The following PPM1E variants were observed in gnomAD, a reference collection of about 807,000 sequenced individuals.
PPM1E encodes protein phosphatase, Mg2+/Mn2+ dependent 1E, also known as protein phosphatase 1E.
PPM1E carries 20 observed loss-of-function variants against 65.9 expected under a neutral mutation model. The observed-to-expected ratio is 0.30, with a 90% CI of 0.21 to 0.44. PPM1E has a LOEUF of 0.44. Ranked by LOEUF, PPM1E falls within the 20% of genes least tolerant of loss-of-function variation. The probability of loss-of-function intolerance (pLI) is 1.00; values close to 1 mark genes in which losing one functional copy is unlikely to be tolerated. For synonymous variants in PPM1E, 352 were observed against 374.9 expected (o/e 0.94, Z 0.70); for missense variants, 713 against 953.1 (o/e 0.75, Z 3.32).
intron 1 of PPM1E, among the ~76,000 whole-genome samples, chr17:58,864,787 T>C (rs2050981461): frequency 6.6e-6 from 1 of 151,678 alleles, no homozygotes; most frequent in African/African-American, 2.4e-5. Context: ...AATACAAAAA[T>C]TAGCCGGGTG....
intron 1 of PPM1E, among the ~76,000 whole-genome samples, chr17:58,792,280 GATATTATATAGTA>G (rs1342159706): frequency 1.4e-5 from 2 of 147,908 alleles, no homozygotes; most frequent in South Asian, 2.1e-4. Flanking sequence ...ATTACTATAT[GATATTATATAGTA>G]ATATTATATA....
At chr17:58,934,408 A>G (rs2051948502) in intron 1 of PPM1E, among the ~76,000 whole-genome samples, 1 of 152,202 alleles carries the variant, frequency 6.6e-6, no homozygotes, top group Non-Finnish European at 1.5e-5. Flanking sequence ...TACATGGTAC[A>G]CTGTTTTGTA....
chr17:58,756,807 C>G (rs2049772326), intron 1 of PPM1E, among the ~76,000 whole-genome samples: 1 of 152,216 alleles, frequency 6.6e-6, no homozygotes, highest in Non-Finnish European at 1.5e-5. Context: ...CCTTTCCTGC[C>G]TGGAAAGGTC....
chr17:58,865,293 A>G (rs2050988827), intron 1 of PPM1E, among the ~76,000 whole-genome samples: 1 of 152,158 alleles, frequency 6.6e-6, no homozygotes, highest in Admixed American at 6.5e-5. Flanking sequence ...AAGCTGAGGC[A>G]GGAGAATTGC....
intron 1 of PPM1E, among the ~76,000 whole-genome samples, chr17:58,778,632 A>G (rs1598565085): frequency 6.7e-6 from 1 of 148,862 alleles, no homozygotes; most frequent in Admixed American, 6.7e-5. Context: ...CTGGTCTCAA[A>G]CTCCTGGGCT....
chr17:58,851,377 C>G (rs2050824583), intron 1 of PPM1E, among the ~76,000 whole-genome samples: 1 of 152,302 alleles, frequency 6.6e-6, no homozygotes, highest in Middle Eastern at 3.4e-3. Flanking sequence ...GAATTTTCAG[C>G]TTTTCTGCTC....
intron 1 of PPM1E, among the ~76,000 whole-genome samples, chr17:58,819,772 C>G (rs1373962520): frequency 6.6e-6 from 1 of 152,062 alleles, no homozygotes; most frequent in African/African-American, 2.4e-5. Context: ...TGCAGTGGCT[C>G]ATACCTGTAA....
intron 1 of PPM1E, among the ~76,000 whole-genome samples, chr17:58,843,945 G>T (rs2050746570): frequency 1.3e-5 from 2 of 152,168 alleles, no homozygotes; most frequent in African/African-American, 4.8e-5. Context: ...ACAAATATCT[G>T]ACCTTCAAAG....
intron 1 of PPM1E, among the ~76,000 whole-genome samples, chr17:58,924,522 AC>A (rs1343148995): frequency 2.0e-5 from 3 of 151,924 alleles, no homozygotes; most frequent in Non-Finnish European, 4.4e-5. Flanking sequence ...CTGCACTCTA[AC>A]CTGGGCAACA....
At chr17:58,785,765 A>G (rs1298750410) in intron 1 of PPM1E, among the ~76,000 whole-genome samples, 1 of 151,956 alleles carries the variant, frequency 6.6e-6, no homozygotes, top group East Asian at 1.9e-4. Flanking sequence ...TGCTGATTGT[A>G]TTAATTGAAA....
At chr17:58,913,640 G>A (rs968613491) in intron 1 of PPM1E, among the ~76,000 whole-genome samples, 2 of 152,170 alleles carry the variant, frequency 1.3e-5, no homozygotes, top group African/African-American at 2.4e-5. Flanking sequence ...GCAGCAGGGG[G>A]CTAGGGGACT....
At chr17:58,973,678 C>T (rs999951926) in intron 6 of PPM1E, among the ~76,000 whole-genome samples, 2 of 151,712 alleles carry the variant, frequency 1.3e-5, no homozygotes, top group Non-Finnish European at 2.9e-5. Context: ...AAAGGCCGGG[C>T]GCAGTGGGTC....
chr17:58,808,530 G>A (rs189637090), intron 1 of PPM1E, among the ~76,000 whole-genome samples: 62 of 151,986 alleles, frequency 4.1e-4, no homozygotes, highest in African/African-American at 1.4e-3. Context: ...ATGTGTACGT[G>A]TGTCTGTGTG....
At chr17:58,872,024 G>T (rs771463290) in intron 1 of PPM1E, among the ~76,000 whole-genome samples, 1 of 152,062 alleles carries the variant, frequency 6.6e-6, no homozygotes, top group Non-Finnish European at 1.5e-5. Context: ...GAGGCTGGGC[G>T]TGGTGGCTCA....
intron 1 of PPM1E, among the ~76,000 whole-genome samples, chr17:58,804,492 ACT>A (rs1169159982): frequency 4.6e-5 from 7 of 152,090 alleles, no homozygotes; most frequent in Non-Finnish European, 8.8e-5. Context: ...ATTTTCATAC[ACT>A]TTTGGAAGAC....
At chr17:58,757,298 G>A (rs368690023) in intron 1 of PPM1E, among the ~76,000 whole-genome samples, 1 of 152,224 alleles carries the variant, frequency 6.6e-6, no homozygotes, top group East Asian at 1.9e-4. Context: ...ATGGGGTGGG[G>A]AGAAAGCAGA....
chr17:58,788,302 C>T (rs1255027571), intron 1 of PPM1E, among the ~76,000 whole-genome samples: 2 of 152,102 alleles, frequency 1.3e-5, no homozygotes, highest in Non-Finnish European at 2.9e-5. Flanking sequence ...CCACCTGCCT[C>T]GGCCTCCCAA....
intron 1 of PPM1E, among the ~76,000 whole-genome samples, chr17:58,826,442 G>A (rs963521055): frequency 6.6e-6 from 1 of 152,038 alleles, no homozygotes; most frequent in African/African-American, 2.4e-5. Context: ...TATTCAGGTT[G>A]TTATGGCAAC....
intron 1 of PPM1E, among the ~76,000 whole-genome samples, chr17:58,794,050 C>G (rs2144263187): frequency 6.6e-6 from 1 of 152,142 alleles, no homozygotes; most frequent in African/African-American, 2.4e-5. Context: ...TCAAGCAATT[C>G]TCCCTGCCTC....
Sources: allele counts gnomAD v4.1 joint callset (sites outside exome capture counted in the v4.1 genomes callset), GRCh38; gene constraint gnomAD v4.1.1; transcripts MANE v1.5; gene names NCBI Gene and HGNC (gene_info 2026-07-23, HGNC 2026-07-21).